Variants in RBFOX3 observed in about 807,000 individuals in gnomAD.
RBFOX3 encodes the protein RNA binding fox-1 homolog 3.
Under a neutral mutation model 48.7 loss-of-function variants are expected in RBFOX3, and 17 were observed. The ratio of observed to expected loss-of-function variants is 0.35; its 90% confidence interval spans 0.24 to 0.52. The LOEUF (loss-of-function observed/expected upper bound fraction) is 0.52. Ranked by LOEUF, RBFOX3 falls within the 20% of genes least tolerant of loss-of-function variation. The probability of loss-of-function intolerance (pLI) is 0.94; values close to 1 mark genes in which losing one functional copy is unlikely to be tolerated. For missense variants in RBFOX3, 382 were observed against 497.5 expected (o/e 0.77, Z 2.21); for synonymous variants, 212 against 209.5 (o/e 1.01, Z -0.10).
At chr17:79,551,478 G>A (rs1028632381) in intron 1 of RBFOX3, among the ~76,000 whole-genome samples, 3 of 146,880 alleles carry the variant, frequency 2.0e-5, no homozygotes, top group Non-Finnish European at 4.5e-5. Context: ...TGAAAAGATG[G>A]GTGGATGGAC....
At chr17:79,160,077 T>C (rs2046651277) in intron 4 of RBFOX3, among the ~76,000 whole-genome samples, 1 of 152,230 alleles carries the variant, frequency 6.6e-6, no homozygotes, top group Admixed American at 6.5e-5. Context: ...CCAGGAACGC[T>C]CCGCTCGAGT....
intron 3 of RBFOX3, among the ~76,000 whole-genome samples, chr17:79,277,306 G>GA: frequency 6.9e-6 from 1 of 145,570 alleles, no homozygotes; most frequent in African/African-American, 2.5e-5. Flanking sequence ...GGTGGGGAGG[G>GA]GGGGGGTAGT....
intron 1 of RBFOX3, among the ~76,000 whole-genome samples, chr17:79,583,150 G>T (rs1214725063): frequency 5.3e-5 from 8 of 152,210 alleles, no homozygotes; most frequent in Admixed American, 5.2e-4. Context: ...GAGTGCTGGG[G>T]ACTGGGCAGT....
the RBFOX3 span, among the ~76,000 whole-genome samples, chr17:79,616,582 AACACACACAC>A: frequency 2.1e-5 from 3 of 145,652 alleles, no homozygotes; most frequent in African/African-American, 5.1e-5. Context: ...TCTCTATACA[AACACACACAC>A]ACACACACAC....
At chr17:79,489,903 A>G (rs1280040115) in intron 1 of RBFOX3, among the ~76,000 whole-genome samples, 3 of 152,224 alleles carry the variant, frequency 2.0e-5, no homozygotes, top group African/African-American at 4.8e-5. Flanking sequence ...ATAAGCTCCT[A>G]ACCAAAATCA....
At chr17:79,280,161 A>G (rs1470745983) in intron 3 of RBFOX3, among the ~76,000 whole-genome samples, 1 of 126,796 alleles carries the variant, frequency 7.9e-6, no homozygotes, top group Non-Finnish European at 1.7e-5. Flanking sequence ...GCACACACAC[A>G]CGCACACACC....
chr17:79,566,298 T>G (rs1289648224), intron 1 of RBFOX3, among the ~76,000 whole-genome samples: 1 of 152,210 alleles, frequency 6.6e-6, no homozygotes, highest in African/African-American at 2.4e-5. Context: ...TATTTAAGCC[T>G]CACCAGGCTG....
At chr17:79,278,514 G>A (rs1468034943) in intron 3 of RBFOX3, among the ~76,000 whole-genome samples, 1 of 150,092 alleles carries the variant, frequency 6.7e-6, no homozygotes, top group African/African-American at 2.5e-5. Flanking sequence ...ACTGGGAAGT[G>A]GCCCTTGCAG....
chr17:79,096,505 G>A, intron 12 of RBFOX3, 148 bp downstream of exon 12: 1 of 685,568 alleles, frequency 1.5e-6, no homozygotes, highest in South Asian at 1.8e-5. Context: ...CCATACTCTG[G>A]GCAGACGTGG....
chr17:79,609,383 C>T (rs911563055), intron 1 of RBFOX3, among the ~76,000 whole-genome samples: 1 of 152,032 alleles, frequency 6.6e-6, no homozygotes, highest in Admixed American at 6.5e-5. Flanking sequence ...CCTGCGCGCC[C>T]GAGAAGCGAC....
rs1284174321 is a variant in RBFOX3 at position 79,106,823 on chromosome 17, CTG to C, written c.223-37_223-36del. 8.7e-6 allele frequency: 13 copies of C among 1,486,442 alleles called. No homozygotes were observed. In the Admixed American group the frequency reaches 1.3e-4, roughly 15 times the overall value. The allele number at this position is 1,486,442 out of a possible 1,614,324, so 92.1% of individuals were successfully genotyped here. ...GAGGACTGGGCTGTGGAGGCTGCCT[CTG>C]TGTGCGGGGTTGCCCATCCCCTCTG... On this transcript the variant is annotated intron_variant, in intron 5 of 14. Transcript: ENST00000693108.
At chr17:79,661,345 C>A in the RBFOX3 span, among the ~76,000 whole-genome samples, 7 of 152,122 alleles carry the variant, frequency 4.6e-5, no homozygotes, top group Admixed American at 4.6e-4. Flanking sequence ...CATTTCTGAA[C>A]TTCACATGAG....
the RBFOX3 span, among the ~76,000 whole-genome samples, chr17:79,645,954 C>T: frequency 6.6e-6 from 1 of 152,204 alleles, no homozygotes; most frequent in Non-Finnish European, 1.5e-5. Context: ...TGCTCCTGCA[C>T]CTCCCGCAAA....
chr17:79,333,986 C>G lies in RBFOX3; in HGVS notation c.-174-26162G>C, dbSNP rs190716681. On this transcript the variant is annotated intron_variant, in intron 2 of 14. Coordinates refer to ENST00000693108, the MANE Select transcript of RBFOX3 (RefSeq NM_001350451.2). ...TTGGAATCTGCCCATGTCCCCACCC[C>G]TCCCTTGGGAATTCCCACCCTGGTC... is the stretch of plus-strand genomic sequence containing the variant. Among the ~76,000 whole-genome samples, 222 of 152,330 alleles carry G rather than the reference C, an allele frequency of 1.5e-3. 2 individuals carry two copies. Among genetic ancestry groups the G allele is most frequent in the African/African-American group, 5.0e-3 (209 of 41,578 alleles).
At chr17:79,519,845 C>T (rs1431076894) in intron 1 of RBFOX3, among the ~76,000 whole-genome samples, 1 of 152,158 alleles carries the variant, frequency 6.6e-6, no homozygotes, top group Admixed American at 6.5e-5. Flanking sequence ...TATGTGCTGT[C>T]CCGCATGGCT....
intron 1 of RBFOX3, among the ~76,000 whole-genome samples, chr17:79,557,776 C>T (rs2091891970): frequency 1.3e-5 from 2 of 152,270 alleles, no homozygotes; most frequent in African/African-American, 2.4e-5. Context: ...GGGGGCATCT[C>T]GTGGGAGGCC....
In RBFOX3 at chr17:79,291,475, T is replaced by A. The variant is rs117503037; in HGVS notation, c.-74+16249A>T. On this transcript the variant is annotated intron_variant, in intron 3 of 14. Transcript: ENST00000693108. ...AGCCCTCGGCTTCAAGTGTGGGGAT[T>A]TATTGAAGTCTTGCAAAAGCTCTTG... Among the ~76,000 whole-genome samples the A allele has an allele frequency of 9.3e-3, 1,418 of 152,270 alleles. 22 individuals are homozygous for A. The highest frequency in any genetic ancestry group is 9.7e-3 in the Non-Finnish European group (661 of 68,014).
intron 1 of RBFOX3, among the ~76,000 whole-genome samples, chr17:79,593,218 C>G (rs2093472902): frequency 2.0e-5 from 3 of 152,202 alleles, no homozygotes; most frequent in African/African-American, 7.2e-5. Flanking sequence ...CGGACACCAC[C>G]TGCCCTTCCC....
chr17:79,394,775 C>G (rs1366241689), intron 2 of RBFOX3, among the ~76,000 whole-genome samples: 1 of 152,218 alleles, frequency 6.6e-6, no homozygotes, highest in African/African-American at 2.4e-5. Context: ...CCTCAACTAC[C>G]CCAGGCTCAT....
Sources: gnomAD v4.1 joint callset for allele counts (sites outside exome capture counted in the v4.1 genomes callset) on GRCh38, gnomAD v4.1.1 for gene constraint, MANE v1.5 for transcripts, NCBI Gene and HGNC (gene_info 2026-07-23, HGNC 2026-07-21) for gene names.